Variants in FSTL5 observed in about 807,000 individuals in gnomAD.
FSTL5 encodes follistatin like 5.
FSTL5 carries 62 observed loss-of-function variants against 89.1 expected under a neutral mutation model. The ratio of observed to expected loss-of-function variants is 0.70; its 90% confidence interval spans 0.57 to 0.86. The LOEUF (loss-of-function observed/expected upper bound fraction) is 0.86, where lower values mean the gene tolerates loss of function less well. Among genes scored for constraint, FSTL5 ranks in the 40% least tolerant of loss-of-function variants. The pLI is 0.00. For missense variants in FSTL5, 1,057 were observed against 1,001.6 expected, an observed-to-expected ratio of 1.06 and a Z score of -0.75; for synonymous variants, 383 against 346.2, an observed-to-expected ratio of 1.11 and a Z score of -1.18.
At chr4:161,690,159 T>C (rs1737880300) in intron 6 of FSTL5, among the ~76,000 whole-genome samples, 1 of 152,148 alleles carries the variant, frequency 6.6e-6, no homozygotes, top group African/African-American at 2.4e-5. Context: ...CTGGGGCATA[T>C]GGTGAATCTA....
At chr4:161,886,963 C>T (rs1261683107) in intron 4 of FSTL5, among the ~76,000 whole-genome samples, 1 of 152,072 alleles carries the variant, frequency 6.6e-6, no homozygotes, top group Non-Finnish European at 1.5e-5. Context: ...ACATATTTTT[C>T]AAGCTTGGTC....
chr4:161,981,972 T>C (rs1334854988), intron 3 of FSTL5, among the ~76,000 whole-genome samples: 1 of 152,220 alleles, frequency 6.6e-6, no homozygotes, highest in Non-Finnish European at 1.5e-5. Flanking sequence ...GATAATATTT[T>C]GGGAAAAGTT....
intron 3 of FSTL5, among the ~76,000 whole-genome samples, chr4:162,015,338 G>A (rs1164794947): frequency 6.6e-6 from 1 of 152,140 alleles, no homozygotes; most frequent in Non-Finnish European, 1.5e-5. Flanking sequence ...TGCTTACTTG[G>A]TTTGATTCCT....
At chr4:161,958,938 T>C (rs1735098627) in intron 3 of FSTL5, among the ~76,000 whole-genome samples, 1 of 152,132 alleles carries the variant, frequency 6.6e-6, no homozygotes. Context: ...AGATTCTCAG[T>C]TCTATCTCTT....
At chr4:161,532,315 G>C (rs191965911) in intron 10 of FSTL5, among the ~76,000 whole-genome samples, 3 of 151,950 alleles carry the variant, frequency 2.0e-5, no homozygotes, top group African/African-American at 7.3e-5. Context: ...GAAATCTCTC[G>C]ATGTATTAGT....
chr4:161,659,483 A>G (rs1736634370), intron 6 of FSTL5, among the ~76,000 whole-genome samples: 1 of 152,188 alleles, frequency 6.6e-6, no homozygotes, highest in Non-Finnish European at 1.5e-5. Context: ...AGATTAGCAC[A>G]GATTTAATAT....
At chr4:161,878,655 AT>A (rs1487534413) in intron 4 of FSTL5, among the ~76,000 whole-genome samples, 1 of 152,074 alleles carries the variant, frequency 6.6e-6, no homozygotes, top group East Asian at 1.9e-4. Context: ...ATAAGGTCTG[AT>A]TATGAATTGT....
intron 4 of FSTL5, among the ~76,000 whole-genome samples, chr4:161,903,566 A>T (rs928522954): frequency 6.6e-6 from 1 of 151,948 alleles, no homozygotes; most frequent in Non-Finnish European, 1.5e-5. Context: ...CACAACATAA[A>T]TTTTTTATGT....
intron 2 of FSTL5, among the ~76,000 whole-genome samples, chr4:162,099,127 G>A (rs564457720): frequency 3.0e-4 from 45 of 152,014 alleles, no homozygotes; most frequent in Non-Finnish European, 5.4e-4. Context: ...TCATCACCTC[G>A]AACATGTATC....
At chr4:161,510,813 CTT>C (rs373923826) in intron 10 of FSTL5, among the ~76,000 whole-genome samples, 127 of 150,082 alleles carry the variant, frequency 8.5e-4, no homozygotes, top group Non-Finnish European at 1.2e-3. Flanking sequence ...AAGTTACACT[CTT>C]AAATTTTGCA....
chr4:161,503,090 C>T (rs935730458), intron 11 of FSTL5, among the ~76,000 whole-genome samples: 1 of 151,428 alleles, frequency 6.6e-6, no homozygotes, highest in Non-Finnish European at 1.5e-5. Flanking sequence ...ACTCTTTTAC[C>T]GTGAGAATGT....
At chr4:161,713,588 T>C (rs1208612498) in intron 6 of FSTL5, among the ~76,000 whole-genome samples, 1 of 152,088 alleles carries the variant, frequency 6.6e-6, no homozygotes, top group Non-Finnish European at 1.5e-5. Context: ...ACAGAAGGAA[T>C]GAAAAAAGTA....
intron 4 of FSTL5, among the ~76,000 whole-genome samples, chr4:161,823,825 G>A (rs1415632879): frequency 6.6e-6 from 1 of 152,104 alleles, no homozygotes; most frequent in Non-Finnish European, 1.5e-5. Context: ...CTTATTGTGA[G>A]AATTCATGTC....
rs550780041 is a variant in FSTL5 at position 162,031,554 on chromosome 4, CATAA to C, written c.160+2067_160+2070del. The stretch of plus-strand genomic sequence containing the variant: ...TAAAATAACATTTCAATATGATTCC[CATAA>C]ATAGTCAAGAAAAATGTAGTGCTTT... On this transcript the variant is annotated intron_variant, in intron 3 of 15. Transcript: ENST00000306100. Among the ~76,000 whole-genome samples, 17 of 152,186 alleles carry C rather than the reference CATAA, an allele frequency of 1.1e-4. No individual in the cohort carries two copies. The East Asian group carries it at 2.9e-3, about 26-fold the overall frequency.
intron 1 of FSTL5, among the ~76,000 whole-genome samples, chr4:162,120,323 A>T (rs571148316): frequency 6.6e-6 from 1 of 152,124 alleles, no homozygotes; most frequent in African/African-American, 2.4e-5. Flanking sequence ...CGAAAGCCCC[A>T]CATTATTAGA....
chr4:161,617,831 TAAAAC>T (rs1439650911), intron 7 of FSTL5, among the ~76,000 whole-genome samples: 1 of 152,188 alleles, frequency 6.6e-6, no homozygotes, highest in East Asian at 1.9e-4. Flanking sequence ...CATGTTTAGA[TAAAAC>T]AGAATGTACT....
intron 7 of FSTL5, among the ~76,000 whole-genome samples, chr4:161,606,652 T>A (rs551102247): frequency 6.6e-6 from 1 of 152,286 alleles, no homozygotes; most frequent in South Asian, 2.1e-4. Flanking sequence ...TAAATTTTGT[T>A]TCGTTTTCTT....
chr4:161,731,372 C>T (rs1456945253), intron 6 of FSTL5, among the ~76,000 whole-genome samples: 5 of 152,138 alleles, frequency 3.3e-5, no homozygotes, highest in African/African-American at 1.2e-4. Flanking sequence ...GGGCGAGGGG[C>T]CTAATGGGAG....
intron 2 of FSTL5, among the ~76,000 whole-genome samples, chr4:162,094,412 C>A (rs1038546867): frequency 6.6e-6 from 1 of 151,928 alleles, no homozygotes; most frequent in Admixed American, 6.6e-5. Flanking sequence ...ATATAATACC[C>A]AACAGAAGGC....
Sources: gnomAD v4.1 joint callset for allele counts (sites outside exome capture counted in the v4.1 genomes callset) on GRCh38, gnomAD v4.1.1 for gene constraint, MANE v1.5 for transcripts, NCBI Gene and HGNC (gene_info 2026-07-23, HGNC 2026-07-21) for gene names.